Variants in SRD5A3 observed in about 807,000 individuals in gnomAD.
SRD5A3 encodes polyprenal reductase.
In SRD5A3, 24 loss-of-function variants were observed where a neutral mutation model predicts 34.3. The ratio of observed to expected loss-of-function variants is 0.70; its 90% confidence interval spans 0.51 to 0.99. The LOEUF is 0.99. Among genes scored for constraint, SRD5A3 ranks in the 50% least tolerant of loss-of-function variants. The pLI, the probability that SRD5A3 is intolerant of heterozygous loss-of-function variation, is 0.00. For missense variants in SRD5A3, 350 were observed against 388.2 expected (o/e 0.90, Z 0.83); for synonymous variants, 161 against 167.3 (o/e 0.96, Z 0.29).
chr4:55,367,173 A>G (rs1050395574), intron 3 of SRD5A3: 4 of 244,296 alleles, frequency 1.6e-5, no homozygotes, highest in African/African-American at 6.7e-5. Context: ...ACTGTAAAAC[A>G]TAAGAAAGAA....
intron 1 of SRD5A3, among the ~76,000 whole-genome samples, chr4:55,355,507 A>C (rs989872410): frequency 5.9e-5 from 9 of 152,108 alleles, no homozygotes; most frequent in Non-Finnish European, 1.2e-4. Flanking sequence ...CAGGCAAGCA[A>C]AACAAAATGT....
rs1719200241 is a variant in SRD5A3 at position 55,351,672 on chromosome 4, G to GAGCA, written c.221+5115_221+5116insAGCA. 5.0e-5 allele frequency: 14 copies of GAGCA among 281,058 alleles called. 2 individuals are homozygous for GAGCA. In the South Asian group the frequency reaches 5.3e-4, roughly 11 times the overall value. The allele number at this position is 281,058 out of a possible 1,614,324, so 17.4% of individuals were successfully genotyped here. A position where few individuals can be genotyped will look rare whatever the true frequency, so the allele number is the denominator to read the frequency against. On this transcript the variant is annotated intron_variant, in intron 1 of 4. Coordinates refer to ENST00000264228, the MANE Select transcript of SRD5A3 (RefSeq NM_024592.5). ...AACTTCATCTCAAAAAAAAAAAGGGGTGAGCATATTTAACCATCCTCAGCT... is the reference window on the plus strand; with the variant it reads ...AACTTCATCTCAAAAAAAAAAAGGGGAGCATGAGCATATTTAACCATCCTCAGCT...
chr4:55,356,817 G>A (rs1283170652), intron 1 of SRD5A3, among the ~76,000 whole-genome samples: 1 of 151,908 alleles, frequency 6.6e-6, no homozygotes, highest in Non-Finnish European at 1.5e-5. Flanking sequence ...AGCCTAGAGG[G>A]ATTTTTAAAA....
chr4:55,364,387 C>A, intron 3 of SRD5A3, 116 bp downstream of exon 3: 1 of 1,226,086 alleles, frequency 8.2e-7, no homozygotes, highest in Non-Finnish European at 1.2e-6. Context: ...AGGCCCAATG[C>A]ATTTTGCATT....
rs74870045 is a variant in SRD5A3, at chr4:55,354,833, C to T, written c.222-4513C>T. On this transcript the variant is annotated intron_variant, in intron 1 of 4. Transcript: ENST00000264228. Reference sequence around the variant, plus strand: ...GTGTGTGTGTGCGCGCGTGCGTGCGCGCGTACGCATGTGTAAGCTCCATGA... The same window carrying T: ...GTGTGTGTGTGCGCGCGTGCGTGCGTGCGTACGCATGTGTAAGCTCCATGA... Among the ~76,000 whole-genome samples the T allele has an allele frequency of 8.6e-4, 131 of 152,204 alleles. No individual in the cohort carries two copies. In the East Asian group the frequency reaches 0.016, roughly 19 times the overall value.
At chr4:55,366,205 C>A (rs1012400718) in intron 3 of SRD5A3, among the ~76,000 whole-genome samples, 1 of 152,214 alleles carries the variant, frequency 6.6e-6, no homozygotes, top group African/African-American at 2.4e-5. Flanking sequence ...TTACCCTTAA[C>A]AAATCCTTTT....
Position 55,346,560 on chromosome 4 carries a change from A to C in SRD5A3, c.221+3A>C. 1 of 1,579,082 alleles carries C rather than the reference A, an allele frequency of 6.3e-7. No homozygotes were observed. Among genetic ancestry groups the C allele is most frequent in the South Asian group, 1.1e-5 (1 of 87,440 alleles). ...CGAGCCTTTGATGTCCCCAAGAGGT[A>C]ACCGCGCCCCGGTCCCGAGCCGCGG... On this transcript the variant is annotated splice_donor_region_variant and intron_variant, in intron 1 of 4. Transcript: ENST00000264228.
chr4:55,354,588 C>G (rs1719360748), intron 1 of SRD5A3, among the ~76,000 whole-genome samples: 1 of 152,176 alleles, frequency 6.6e-6, no homozygotes, highest in Non-Finnish European at 1.5e-5. Context: ...CTTACCTGCA[C>G]TGCCTGTTTC....
At chr4:55,368,332 T>A (rs1719982256) in intron 4 of SRD5A3, among the ~76,000 whole-genome samples, 1 of 149,252 alleles carries the variant, frequency 6.7e-6, no homozygotes, top group Non-Finnish European at 1.5e-5. Flanking sequence ...TGAGCTGAGA[T>A]CACGCCACTG....
Position 55,367,896 on chromosome 4 carries a change from C to T in SRD5A3, c.697+174C>T, listed in dbSNP as rs116930349. On this transcript the variant is annotated intron_variant, in intron 4 of 4. Coordinates refer to ENST00000264228, the MANE Select transcript of SRD5A3 (RefSeq NM_024592.5). ...CCCATCTGTGAAAATGAGAGCCTTA[C>T]ATTGAAAGACCTCTCTAGACCCAAG... 7.8e-4 allele frequency among the ~76,000 whole-genome samples: 119 copies of T among 152,222 alleles called. 3 individuals carry two copies. In the East Asian group the frequency reaches 0.02, roughly 25 times the overall value.
chr4:55,369,628 G>T lies in SRD5A3; in HGVS notation c.698-204G>T, dbSNP rs1720044558. On this transcript the variant is annotated intron_variant, in intron 4 of 4. Coordinates refer to ENST00000264228, the MANE Select transcript of SRD5A3 (RefSeq NM_024592.5). The stretch of plus-strand genomic sequence containing the variant: ...TACCTGTGGTACTAGCCACTGGGCA[G>T]TTTGAGATGGGAGGATTGCCTGGGC... 8.1e-6 allele frequency: 5 copies of T among 619,306 alleles called. No homozygotes were observed. In the East Asian group the frequency reaches 1.4e-4, roughly 17 times the overall value. The allele number at this position is 619,306 out of a possible 1,614,324, so 38.4% of individuals were successfully genotyped here.
chr4:55,360,937 G>A (rs191609635), intron 2 of SRD5A3, among the ~76,000 whole-genome samples: 130 of 152,150 alleles, frequency 8.5e-4, no homozygotes, highest in African/African-American at 1.9e-3. Context: ...TGATCCACCC[G>A]CATTGGCCTC....
Position 55,366,194 on chromosome 4 carries a change from G to A in SRD5A3, c.563-1394G>A, listed in dbSNP as rs368787227. 6.6e-5 allele frequency among the ~76,000 whole-genome samples: 10 copies of A among 152,264 alleles called. No homozygotes were observed. The East Asian group carries it at 7.7e-4, about 12-fold the overall frequency. ...CCTTTTCCTGCATTATAATTCTGGCGTTACCCTTAACAAATCCTTTTTCCT... is the reference window on the plus strand; with the variant it reads ...CCTTTTCCTGCATTATAATTCTGGCATTACCCTTAACAAATCCTTTTTCCT... On this transcript the variant is annotated intron_variant, in intron 3 of 4. Coordinates refer to ENST00000264228, the MANE Select transcript of SRD5A3 (RefSeq NM_024592.5).
intron 3 of SRD5A3, chr4:55,364,484 G>A: frequency 1.7e-6 from 1 of 580,552 alleles, no homozygotes; most frequent in African/African-American, 1.9e-5. Flanking sequence ...GCTGAGGCAG[G>A]TGGATCACTT....
In SRD5A3 at chr4:55,372,468, T is replaced by C. The variant is rs556745333; in HGVS notation, c.*2377T>C. The C allele has an allele frequency of 1.3e-5, 2 of 152,292 alleles. No individual in the cohort carries two copies. The highest frequency in any genetic ancestry group is 4.1e-4 in the South Asian group (2 of 4,832). The allele number at this position is 152,292 out of a possible 1,614,324, so 9.4% of individuals were successfully genotyped here. A position where few individuals can be genotyped will look rare whatever the true frequency, so the allele number is the denominator to read the frequency against. ...TTCTAGGCAAAGATAAGAGAGGAGA[T>C]AGTGATGTCCTGAAAGGGGTTCAGA... On this transcript the variant is annotated 3_prime_UTR_variant, in exon 5 of 5. Coordinates refer to ENST00000264228, the MANE Select transcript of SRD5A3 (RefSeq NM_024592.5).
intron 1 of SRD5A3, among the ~76,000 whole-genome samples, chr4:55,358,743 G>C (rs868734640): frequency 2.0e-5 from 3 of 152,262 alleles, no homozygotes; most frequent in South Asian, 4.1e-4. Flanking sequence ...GTAGTTGTCT[G>C]AGAATTATAA....
intron 4 of SRD5A3, among the ~76,000 whole-genome samples, chr4:55,367,946 C>T (rs1168714242): frequency 1.3e-5 from 2 of 152,138 alleles, no homozygotes; most frequent in African/African-American, 4.8e-5. Context: ...TGTGATTCTA[C>T]GTTTTGTGTC....
At chr4:55,355,900 C>G (rs1719436780) in intron 1 of SRD5A3, among the ~76,000 whole-genome samples, 1 of 151,870 alleles carries the variant, frequency 6.6e-6, no homozygotes, top group Admixed American at 6.6e-5. Flanking sequence ...CCTGGCACCC[C>G]TTACCCGCAC....
At chr4:55,363,825 G>A (rs1719777097) in intron 2 of SRD5A3, 1 of 527,766 alleles carries the variant, frequency 1.9e-6, no homozygotes, top group African/African-American at 1.9e-5. Context: ...CCTGAAGCCT[G>A]GAAGGCTGTC....
Sources: allele counts gnomAD v4.1 joint callset (sites outside exome capture counted in the v4.1 genomes callset), GRCh38; gene constraint gnomAD v4.1.1; transcripts MANE v1.5; gene names NCBI Gene and HGNC (gene_info 2026-07-23, HGNC 2026-07-21).